CDH18: variants seen among roughly 807,000 people sequenced by gnomAD.
CDH18 encodes the protein cadherin-18.
A neutral mutation model predicts 67.9 loss-of-function variants in CDH18; 31 were observed. The ratio of observed to expected loss-of-function variants is 0.46; its 90% CI spans 0.34 to 0.62. The LOEUF is 0.62. CDH18 is among the 20% of genes least tolerant of loss of function. The pLI is 0.01. For missense variants in CDH18, 890 were observed against 975.5 expected, an observed-to-expected ratio of 0.91 and a Z score of 1.17; for synonymous variants, 362 against 347.2, an observed-to-expected ratio of 1.04 and a Z score of -0.48.
intron 2 of CDH18, among the ~76,000 whole-genome samples, chr5:20,217,173 T>C (rs1740848537): frequency 6.6e-6 from 1 of 151,668 alleles, no homozygotes; most frequent in Admixed American, 6.6e-5. Context: ...AAAAAGACAT[T>C]AATGAGAAAT....
intron 2 of CDH18, among the ~76,000 whole-genome samples, chr5:19,859,989 G>GTGTGTGTGTGTGTGT (rs1784707651): frequency 7.0e-6 from 1 of 143,148 alleles, no homozygotes; most frequent in Non-Finnish European, 1.5e-5. Flanking sequence ...GTTTGCTTTG[G>GTGTGTGTGTGTGTGT]GTGTGTGTGT....
At chr5:19,901,624 G>A (rs1373268586) in intron 2 of CDH18, among the ~76,000 whole-genome samples, 1 of 151,926 alleles carries the variant, frequency 6.6e-6, no homozygotes, top group Non-Finnish European at 1.5e-5. Flanking sequence ...AAAAATAAAT[G>A]TTCACATAGG....
intron 2 of CDH18, among the ~76,000 whole-genome samples, chr5:20,152,553 T>A (rs1197134699): frequency 1.3e-5 from 2 of 151,748 alleles, no homozygotes; most frequent in Non-Finnish European, 2.9e-5. Flanking sequence ...CAATCTCAAT[T>A]CCCACAAAAA....
chr5:20,294,857 A>G (rs949558716), intron 1 of CDH18, among the ~76,000 whole-genome samples: 1 of 152,188 alleles, frequency 6.6e-6, no homozygotes, highest in East Asian at 1.9e-4. Context: ...ATATACTTAC[A>G]TATATATTTT....
chr5:19,840,085 G>A (rs1782105390), intron 2 of CDH18, among the ~76,000 whole-genome samples: 1 of 148,040 alleles, frequency 6.8e-6, no homozygotes, highest in South Asian at 2.2e-4. Context: ...AGTGAAACCC[G>A]TCTCTAGTAA....
chr5:20,180,333 T>C (rs1275052681), intron 2 of CDH18, among the ~76,000 whole-genome samples: 1 of 152,172 alleles, frequency 6.6e-6, no homozygotes, highest in Non-Finnish European at 1.5e-5. Context: ...TAAGGCATAC[T>C]CCCTTCTGAG....
intron 8 of CDH18, among the ~76,000 whole-genome samples, chr5:19,565,176 A>G (rs1021688052): frequency 6.6e-6 from 1 of 152,028 alleles, no homozygotes; most frequent in African/African-American, 2.4e-5. Flanking sequence ...CTAACTGAAG[A>G]GCCCTGGGCC....
At chr5:19,559,204 C>T (rs1398137191) in intron 8 of CDH18, among the ~76,000 whole-genome samples, 1 of 151,952 alleles carries the variant, frequency 6.6e-6, no homozygotes, top group Non-Finnish European at 1.5e-5. Context: ...TTTAGTTCTG[C>T]TCAGATCTTT....
chr5:19,517,929 T>C (rs1251503277), intron 10 of CDH18, among the ~76,000 whole-genome samples: 5 of 151,998 alleles, frequency 3.3e-5, no homozygotes, highest in Non-Finnish European at 5.9e-5. Context: ...TCTAAGCTGC[T>C]GTTATTACCA....
At chr5:20,171,460 A>C (rs915453003) in intron 2 of CDH18, among the ~76,000 whole-genome samples, 1 of 151,958 alleles carries the variant, frequency 6.6e-6, no homozygotes, top group Non-Finnish European at 1.5e-5. Flanking sequence ...TTCTCTAATG[A>C]TCAGTGACAT....
At chr5:19,904,941 T>C (rs868395039) in intron 2 of CDH18, among the ~76,000 whole-genome samples, 2 of 152,172 alleles carry the variant, frequency 1.3e-5, no homozygotes, top group South Asian at 4.1e-4. Context: ...AGTACAGTCT[T>C]AAATGCATGT....
At chr5:19,903,541 G>GTATATA (rs112818883) in intron 2 of CDH18, among the ~76,000 whole-genome samples, 3,054 of 124,676 alleles carry the variant, frequency 0.024, 91 homozygotes, top group African/African-American at 0.065. Flanking sequence ...GTGTGTGTGT[G>GTATATA]TATATATATA....
At chr5:19,739,212 C>A (rs1232743252) in intron 4 of CDH18, among the ~76,000 whole-genome samples, 1 of 152,172 alleles carries the variant, frequency 6.6e-6, no homozygotes, top group Non-Finnish European at 1.5e-5. Context: ...TAGAGAATAT[C>A]TTGCTTCAAG....
At chr5:19,835,479 G>GTT (rs1184706365) in intron 3 of CDH18, among the ~76,000 whole-genome samples, 1 of 150,726 alleles carries the variant, frequency 6.6e-6, no homozygotes, top group Non-Finnish European at 1.5e-5. Flanking sequence ...TTGTTTCTCT[G>GTT]TATTTTTTTA....
At chr5:20,535,714 A>T (rs1172031328) in intron 1 of CDH18, among the ~76,000 whole-genome samples, 2 of 152,086 alleles carry the variant, frequency 1.3e-5, no homozygotes, top group Non-Finnish European at 2.9e-5. Context: ...TGTTTTACCT[A>T]ATGAATTCTG....
chr5:20,089,652 TGGCAAAA>T (rs1745260593), intron 2 of CDH18, among the ~76,000 whole-genome samples: 1 of 152,104 alleles, frequency 6.6e-6, no homozygotes, highest in Admixed American at 6.6e-5. Flanking sequence ...ATCAAGATTT[TGGCAAAA>T]GCTGTGTAAA....
intron 2 of CDH18, among the ~76,000 whole-genome samples, chr5:20,021,469 G>A (rs150461924): frequency 6.6e-6 from 1 of 152,210 alleles, no homozygotes; most frequent in Non-Finnish European, 1.5e-5. Context: ...GTTGAAGGAG[G>A]GGCCTGGTAT....
At chr5:19,603,929 G>A (rs1417036833) in intron 6 of CDH18, among the ~76,000 whole-genome samples, 1 of 151,210 alleles carries the variant, frequency 6.6e-6, no homozygotes, top group Non-Finnish European at 1.5e-5. Context: ...ATTTATTCTG[G>A]TTTTAAGACT....
chr5:19,746,793 T>C, intron 4 of CDH18, 149 bp downstream of exon 4: 2 of 660,998 alleles, frequency 3.0e-6, no homozygotes, highest in Admixed American at 3.0e-5. Flanking sequence ...TTTAACACTT[T>C]ATGCCACAAA....
Sources: allele counts gnomAD v4.1 joint callset (sites outside exome capture counted in the v4.1 genomes callset), GRCh38; gene constraint gnomAD v4.1.1; transcripts MANE v1.5; gene names NCBI Gene and HGNC (gene_info 2026-07-23, HGNC 2026-07-21).